Variants in RBFOX1 observed in about 807,000 individuals in gnomAD.
RBFOX1 encodes the protein RNA binding fox-1 homolog 1.
In RBFOX1, 8 loss-of-function variants were observed where a neutral mutation model predicts 57.7. The ratio of observed to expected loss-of-function variants is 0.14; its 90% CI spans 0.08 to 0.25. RBFOX1 has a LOEUF of 0.25. RBFOX1 is among the 10% of genes least tolerant of loss of function. The pLI is 1.00. For synonymous variants in RBFOX1, 326 were observed against 222.4 expected (o/e 1.47, Z -4.15); for missense variants, 611 against 548.5 (o/e 1.11, Z -1.14).
chr16:5,838,049 C>A, intron 3 of RBFOX1: 1 of 151,972 alleles, frequency 6.6e-6, no homozygotes. Flanking sequence ...TTTTTTTTGG[C>A]GGGGGGGCTT....
At chr16:5,768,699 A>C (rs1008963166) in intron 3 of RBFOX1, among the ~76,000 whole-genome samples, 2 of 152,136 alleles carry the variant, frequency 1.3e-5, no homozygotes, top group African/African-American at 4.8e-5. Context: ...GATGATTCTG[A>C]GCCCAGCCCA....
At chr16:5,251,896 A>G (rs529381921) in intron 1 of RBFOX1, among the ~76,000 whole-genome samples, 187 of 145,044 alleles carry the variant, frequency 1.3e-3, no homozygotes, top group African/African-American at 4.4e-3. Flanking sequence ...CTTCAAGTTT[A>G]AAAAAAAAAA....
At chr16:6,432,474 C>A (rs1243916858) in intron 2 of RBFOX1, among the ~76,000 whole-genome samples, 7 of 150,904 alleles carry the variant, frequency 4.6e-5, no homozygotes, top group Non-Finnish European at 1.0e-4. Context: ...GAGTTCAAGA[C>A]CAGCCTGGCC....
chr16:6,269,067 A>G (rs1476596622), intron 1 of RBFOX1, among the ~76,000 whole-genome samples: 1 of 152,232 alleles, frequency 6.6e-6, no homozygotes, highest in Non-Finnish European at 1.5e-5. Flanking sequence ...TACATTACTT[A>G]TAATACCTAA....
chr16:6,632,476 T>A lies in RBFOX1; in HGVS notation c.-63-22127T>A, dbSNP rs1462895553. Among the ~76,000 whole-genome samples the A allele has an allele frequency of 2.6e-5, 4 of 152,232 alleles. No homozygotes were observed. The South Asian group carries it at 6.2e-4, about 24-fold the overall frequency. ...ATGAGGATAGTGTTACAGTATTTCC[T>A]TGGCTAAGTGTCTGTGGCTGTTATC... On this transcript the variant is annotated intron_variant, in intron 2 of 15. Coordinates refer to ENST00000550418, the MANE Select transcript of RBFOX1 (RefSeq NM_018723.4).
At chr16:7,203,939 T>C (rs2089323706) in intron 4 of RBFOX1, among the ~76,000 whole-genome samples, 1 of 152,246 alleles carries the variant, frequency 6.6e-6, no homozygotes. Context: ...ATGATTTGCA[T>C]CTGCTTTACA....
chr16:5,866,128 C>A (rs1164342616), intron 3 of RBFOX1, among the ~76,000 whole-genome samples: 3 of 152,140 alleles, frequency 2.0e-5, no homozygotes, highest in Non-Finnish European at 4.4e-5. Flanking sequence ...CCACCATGCC[C>A]AGCTAATTTT....
At chr16:7,651,554 T>C (rs1046580994) in intron 11 of RBFOX1, among the ~76,000 whole-genome samples, 3 of 152,190 alleles carry the variant, frequency 2.0e-5, no homozygotes, top group Non-Finnish European at 4.4e-5. Context: ...TCAGTGTATG[T>C]GGAAAGGACT....
chr16:5,871,027 C>T (rs1296673936), intron 4 of RBFOX1, among the ~76,000 whole-genome samples: 1 of 152,190 alleles, frequency 6.6e-6, no homozygotes, highest in Non-Finnish European at 1.5e-5. Flanking sequence ...TGCAGATTGA[C>T]AGTGAATATG....
intron 4 of RBFOX1, among the ~76,000 whole-genome samples, chr16:7,211,212 A>G (rs2091061112): frequency 6.6e-6 from 1 of 151,880 alleles, no homozygotes; most frequent in African/African-American, 2.4e-5. Context: ...TAACACAGTT[A>G]AACCCCGTCT....
chr16:5,738,542 G>A (rs1285160181), intron 3 of RBFOX1, among the ~76,000 whole-genome samples: 1 of 147,954 alleles, frequency 6.8e-6, no homozygotes, highest in East Asian at 2.2e-4. Flanking sequence ...GCTGAGACAG[G>A]AGAATCGCTT....
intron 4 of RBFOX1, among the ~76,000 whole-genome samples, chr16:7,407,326 T>A (rs1281305908): frequency 2.6e-5 from 4 of 151,920 alleles, no homozygotes; most frequent in Non-Finnish European, 5.9e-5. Context: ...ATAATGGGAA[T>A]AAAGTAAAGG....
chr16:7,521,628 G>A (rs967378161), intron 5 of RBFOX1, among the ~76,000 whole-genome samples: 1 of 152,178 alleles, frequency 6.6e-6, no homozygotes, highest in Non-Finnish European at 1.5e-5. Flanking sequence ...AGAGCCTTAG[G>A]AGAATATAGG....
intron 4 of RBFOX1, among the ~76,000 whole-genome samples, chr16:7,138,569 C>T (rs972597444): frequency 2.0e-5 from 3 of 152,170 alleles, no homozygotes; most frequent in Admixed American, 1.3e-4. Context: ...TAATTTTATC[C>T]TCATCCCCAC....
chr16:6,421,605 A>G (rs1458045180), intron 2 of RBFOX1, among the ~76,000 whole-genome samples: 3 of 152,222 alleles, frequency 2.0e-5, no homozygotes, highest in Admixed American at 1.3e-4. Flanking sequence ...ATAATATTGC[A>G]TTCTATTTGT....
chr16:6,331,248 C>T (rs1042168637), intron 2 of RBFOX1, among the ~76,000 whole-genome samples: 3 of 152,094 alleles, frequency 2.0e-5, no homozygotes, highest in African/African-American at 7.2e-5. Context: ...GAGTTTGAGA[C>T]CAGCCTGATC....
chr16:7,579,967 G>C lies in RBFOX1; in HGVS notation c.414+47G>C, dbSNP rs867123758. Reference sequence around the variant, plus strand: ...AGCAGTGCCCGCTCTGGGGGTTCCAGAGACCTCCCTGTCTCATGTAAGTTT... The same window carrying C: ...AGCAGTGCCCGCTCTGGGGGTTCCACAGACCTCCCTGTCTCATGTAAGTTT... On this transcript the variant is annotated intron_variant, in intron 6 of 15. Coordinates refer to ENST00000550418, the MANE Select transcript of RBFOX1 (RefSeq NM_018723.4). The C allele has an allele frequency of 5.6e-6, 9 of 1,594,894 alleles. No homozygotes were observed. In the Middle Eastern group the frequency reaches 5.1e-4, roughly 90 times the overall value.
intron 1 of RBFOX1, among the ~76,000 whole-genome samples, chr16:5,349,142 C>T (rs113346063): frequency 2.0e-5 from 3 of 152,176 alleles, no homozygotes; most frequent in African/African-American, 7.2e-5. Flanking sequence ...TATGCAACAA[C>T]ATGGCTGAAC....
At chr16:6,946,364 C>T (rs1441457934) in intron 3 of RBFOX1, among the ~76,000 whole-genome samples, 2 of 152,212 alleles carry the variant, frequency 1.3e-5, no homozygotes, top group African/African-American at 4.8e-5. Flanking sequence ...TGGCCCTGTA[C>T]TGGGCCTATA....
Sources: allele counts gnomAD v4.1 joint callset (sites outside exome capture counted in the v4.1 genomes callset), GRCh38; gene constraint gnomAD v4.1.1; transcripts MANE v1.5; gene names NCBI Gene and HGNC (gene_info 2026-07-23, HGNC 2026-07-21).